The following MAGEC3 variants were observed in gnomAD, a reference collection of about 807,000 sequenced individuals.
MAGEC3 encodes MAGE family member C3.
MAGEC3 carries 34 observed loss-of-function variants against 35.3 expected under a neutral mutation model. That is an observed-to-expected ratio of 0.96 (90% confidence interval 0.73 to 1.28). MAGEC3 has a LOEUF of 1.28. Ranked by LOEUF, MAGEC3 falls within the 50% of genes most tolerant of loss-of-function variation. The pLI is 0.00. For missense variants in MAGEC3, 561 were observed against 483.6 expected, an observed-to-expected ratio of 1.16 and a Z score of -1.50; for synonymous variants, 202 against 185.6, an observed-to-expected ratio of 1.09 and a Z score of -0.72.
intron 2 of MAGEC3, among the ~76,000 whole-genome samples, chrX:141,871,730 G>C (rs1448315890): frequency 8.9e-6 from 1 of 111,754 alleles, no homozygotes; most frequent in African/African-American, 3.3e-5. Flanking sequence ...TTTGATTTGT[G>C]ACAGATTAGA....
chrX:141,879,156 TC>T lies in MAGEC3; in HGVS notation c.259-16del. The T allele has an allele frequency of 8.6e-7, 1 of 1,160,385 alleles. No individual in the cohort carries two copies. On this transcript the variant is annotated intron_variant, in intron 2 of 7. Coordinates refer to ENST00000298296, the MANE Select transcript of MAGEC3 (RefSeq NM_138702.1). The stretch of plus-strand genomic sequence containing the variant: ...CATGACTGGTAGTGCCCCTCCCCTG[TC>T]CCTGTGCCTGCTGCCAGCTCTGGAG...
At chrX:141,839,683 T>C (rs779882934) in intron 1 of MAGEC3, 13 of 737,866 alleles carry the variant, frequency 1.8e-5, no homozygotes, top group Non-Finnish European at 2.1e-5. Flanking sequence ...ATTTCTAATA[T>C]GTCAAATGCT....
At chrX:141,880,923 G>GATGGCAT in intron 3 of MAGEC3, 2 of 741,282 alleles carry the variant, frequency 2.7e-6, no homozygotes, top group Non-Finnish European at 4.2e-6. Context: ...CCTGTTGGAT[G>GATGGCAT]CCATCATCCA....
intron 1 of MAGEC3, among the ~76,000 whole-genome samples, chrX:141,854,895 CAG>C (rs1293371606): frequency 3.6e-5 from 4 of 111,743 alleles, no homozygotes; most frequent in African/African-American, 1.3e-4. Flanking sequence ...TGAGATCACA[CAG>C]ATAGTGTTAA....
At chrX:141,876,818 G>A (rs973866250) in intron 2 of MAGEC3, among the ~76,000 whole-genome samples, 5 of 112,089 alleles carry the variant, frequency 4.5e-5, no homozygotes, top group African/African-American at 1.6e-4. Flanking sequence ...AAAGCTGCAA[G>A]TTTTAAAAAT....
At chrX:141,874,751 G>GA (rs755963616) in intron 2 of MAGEC3, among the ~76,000 whole-genome samples, 62 of 100,665 alleles carry the variant, frequency 6.2e-4, no homozygotes, top group South Asian at 4.5e-3. Context: ...ATTTTAATTT[G>GA]AAAAAAAAAT....
intron 1 of MAGEC3, 32 bp from the exon 2 acceptor site, chrX:141,865,439 C>G: frequency 8.4e-7 from 1 of 1,189,015 alleles, no homozygotes; most frequent in Non-Finnish European, 1.1e-6. Flanking sequence ...TTGCCCCAGC[C>G]TAGTCCTGCC....
chrX:141,866,864 CAAT>C (rs2017852452), intron 2 of MAGEC3, among the ~76,000 whole-genome samples: 1 of 111,985 alleles, frequency 8.9e-6, no homozygotes, highest in South Asian at 3.7e-4. Context: ...CACACACACA[CAAT>C]AATATTACAT....
intron 6 of MAGEC3, chrX:141,896,438 G>C: frequency 8.7e-7 from 1 of 1,146,891 alleles, no homozygotes. Flanking sequence ...CAGGTTCTGA[G>C]GGAGCAAACC....
At chrX:141,874,353 G>T (rs1603068315) in intron 2 of MAGEC3, among the ~76,000 whole-genome samples, 1 of 111,672 alleles carries the variant, frequency 9.0e-6, no homozygotes, top group Non-Finnish European at 1.9e-5. Context: ...ATCTGTGAAA[G>T]AAAAAATTGA....
intron 1 of MAGEC3, among the ~76,000 whole-genome samples, chrX:141,863,363 G>A (rs967906665): frequency 2.7e-5 from 3 of 110,937 alleles, no homozygotes; most frequent in African/African-American, 6.6e-5. Flanking sequence ...ATTTTAGGAC[G>A]GTGAAACGAT....
intron 1 of MAGEC3, among the ~76,000 whole-genome samples, chrX:141,846,506 G>A (rs2017717683): frequency 9.1e-6 from 1 of 110,345 alleles, no homozygotes; most frequent in African/African-American, 3.3e-5. Flanking sequence ...ATATTTAATA[G>A]TACAGACAAA....
At chrX:141,856,708 G>A (rs1404472310) in intron 1 of MAGEC3, among the ~76,000 whole-genome samples, 1 of 111,718 alleles carries the variant, frequency 9.0e-6, no homozygotes, top group Non-Finnish European at 1.9e-5. Flanking sequence ...GACACATAAT[G>A]TTATACTATT....
intron 1 of MAGEC3, among the ~76,000 whole-genome samples, chrX:141,843,062 G>A (rs901546049): frequency 8.9e-6 from 1 of 112,107 alleles, no homozygotes; most frequent in African/African-American, 3.2e-5. Flanking sequence ...TATTGCACCT[G>A]CATTTGCAGA....
intron 4 of MAGEC3, among the ~76,000 whole-genome samples, chrX:141,884,093 CTGAG>C (rs2017985403): frequency 8.9e-6 from 1 of 112,875 alleles, no homozygotes; most frequent in South Asian, 3.6e-4. Context: ...ATGGTTAATA[CTGAG>C]TGTCAACTTG....
intron 1 of MAGEC3, among the ~76,000 whole-genome samples, chrX:141,860,324 T>C (rs1327535521): frequency 3.6e-5 from 4 of 111,865 alleles, no homozygotes; most frequent in Admixed American, 2.8e-4. Context: ...TTGATTCGAA[T>C]AAATGGAAAG....
Position 141,874,818 on chromosome X carries a change from TA to T in MAGEC3, c.259-4344del, listed in dbSNP as rs11396160. ...CTATGCATTTTAAATCTGGAAATGGTAAAAAAAAAAAAAGTAGATAAAGAAA... is the reference window on the plus strand; with the variant it reads ...CTATGCATTTTAAATCTGGAAATGGTAAAAAAAAAAAAGTAGATAAAGAAA... On this transcript the variant is annotated intron_variant, in intron 2 of 7. Transcript: ENST00000298296. Among the ~76,000 whole-genome samples the T allele has an allele frequency of 6.9e-3, 675 of 97,593 alleles. 10 individuals carry two copies. The highest frequency in any genetic ancestry group is 0.024 in the African/African-American group (635 of 26,973). 84.7% of individuals were successfully genotyped at this position (97,593 alleles called of 115,157 possible).
intron 4 of MAGEC3, 63 bp from the exon 5 acceptor site, chrX:141,895,206 G>A: frequency 8.9e-7 from 1 of 1,120,262 alleles, no homozygotes; most frequent in Non-Finnish European, 1.2e-6. Flanking sequence ...GAAGGAGGCG[G>A]AGAGGTGGGG....
chrX:141,841,239 T>A (rs886245392), intron 1 of MAGEC3, among the ~76,000 whole-genome samples: 11 of 111,664 alleles, frequency 9.9e-5, no homozygotes, highest in African/African-American at 3.6e-4. Flanking sequence ...GCCATTTTAA[T>A]TATCAAATCC....
Sources: gnomAD v4.1 joint callset for allele counts (sites outside exome capture counted in the v4.1 genomes callset) on GRCh38, gnomAD v4.1.1 for gene constraint, MANE v1.5 for transcripts, NCBI Gene and HGNC (gene_info 2026-07-23, HGNC 2026-07-21) for gene names.